Variants in RYR2 observed in about 807,000 individuals in gnomAD.
RYR2 encodes ryanodine receptor 2.
In RYR2, 227 loss-of-function variants were observed where a neutral mutation model predicts 601.1. The ratio of observed to expected loss-of-function variants is 0.38; its 90% CI spans 0.34 to 0.42. RYR2 has a LOEUF of 0.42. Among genes scored for constraint, RYR2 ranks in the 10% least tolerant of loss-of-function variants. The pLI, the probability that RYR2 is intolerant of heterozygous loss-of-function variation, is 1.00. For synonymous variants in RYR2, 2,223 were observed against 2,175.1 expected, an observed-to-expected ratio of 1.02 and a Z score of -0.61; for missense variants, 4,646 against 6,156.5, an observed-to-expected ratio of 0.75 and a Z score of 8.21.
In RYR2 at chr1:237,625,666, G is replaced by A; in HGVS notation, c.6028G>A (p.Glu2010Lys). The A allele has an allele frequency of 6.2e-7, 1 of 1,612,856 alleles. No homozygotes were observed. Among genetic ancestry groups the A allele is most frequent in the Non-Finnish European group, 8.5e-7 (1 of 1,179,448 alleles). The change falls in exon 40 of 105, where the codon GAG becomes AAG. Residue 2010 changes from glutamate to lysine, a missense_variant. Glu to Lys is a moderately conservative substitution (Grantham distance 56). Coordinates refer to ENST00000366574, the MANE Select transcript of RYR2 (RefSeq NM_001035.3). ...TCTCTGTTTTTTTATACTAGGAATTGAGCTGGATGAAGATGGGTCTCTGGA... is the reference window on the plus strand; with the variant it reads ...TCTCTGTTTTTTTATACTAGGAATTAAGCTGGATGAAGATGGGTCTCTGGA... ...HEDLMTHCGI[E>K]LDEDGSLDGN...
At chr1:237,666,120 A>G (rs1428301723) in intron 56 of RYR2, among the ~76,000 whole-genome samples, 1 of 152,254 alleles carries the variant, frequency 6.6e-6, no homozygotes, top group Middle Eastern at 3.2e-3. Flanking sequence ...CATTTGACCC[A>G]TCAAGACATT....
intron 1 of RYR2, among the ~76,000 whole-genome samples, chr1:237,211,789 G>A (rs751998378): frequency 2.0e-5 from 3 of 152,126 alleles, no homozygotes; most frequent in Non-Finnish European, 2.9e-5. Context: ...TGTAAGGATC[G>A]TTCCTAGTGA....
intron 1 of RYR2, among the ~76,000 whole-genome samples, chr1:237,072,780 C>T (rs904111786): frequency 6.6e-6 from 1 of 151,912 alleles, no homozygotes; most frequent in Non-Finnish European, 1.5e-5. Context: ...AACCCCGACT[C>T]TACTAAAAGT....
chr1:237,712,592 G>A (rs1247870695), intron 71 of RYR2, among the ~76,000 whole-genome samples: 1 of 152,068 alleles, frequency 6.6e-6, no homozygotes, highest in African/African-American at 2.4e-5. Context: ...TCAGTATAAT[G>A]TATGTTTAAC....
intron 2 of RYR2, among the ~76,000 whole-genome samples, chr1:237,282,613 C>A (rs1335760836): frequency 2.6e-5 from 4 of 152,114 alleles, no homozygotes; most frequent in African/African-American, 7.2e-5. Context: ...ACTTGCCCTC[C>A]TAAAGCTGGG....
chr1:237,321,887 A>G (rs1450637340), intron 2 of RYR2, among the ~76,000 whole-genome samples: 1 of 152,232 alleles, frequency 6.6e-6, no homozygotes, highest in Admixed American at 6.5e-5. Context: ...TGTTATCTAC[A>G]GAAATAAGGA....
chr1:237,722,998 C>T (rs373181355), intron 73 of RYR2, 130 bp from the exon 74 acceptor site: 68 of 697,120 alleles, frequency 9.8e-5, no homozygotes, highest in East Asian at 3.6e-4. Context: ...TGCAGCTGCG[C>T]GTCATGTCTT....
intron 25 of RYR2, among the ~76,000 whole-genome samples, chr1:237,540,997 AC>A (rs1669202260): frequency 6.6e-6 from 1 of 152,128 alleles, no homozygotes; most frequent in Non-Finnish European, 1.5e-5. Context: ...CTGAATGTGT[AC>A]CCGTATGTAT....
At chr1:237,550,787 G>A (rs897989435) in intron 27 of RYR2, 96 bp downstream of exon 27, 24 of 1,297,200 alleles carry the variant, frequency 1.9e-5, no homozygotes, top group Non-Finnish European at 2.5e-5. Flanking sequence ...ACTGGATAGA[G>A]TCCTCTAGTC....
chr1:237,548,344 T>C lies in RYR2; in HGVS notation c.2907-87T>C, dbSNP rs2618661. 1,307,264 of 1,393,984 alleles carry C rather than the reference T, an allele frequency of 0.94. 617,586 individuals carry two copies. The highest frequency in any genetic ancestry group is 0.97 in the South Asian group (72,383 of 74,820). The allele number at this position is 1,393,984 out of a possible 1,614,324, so 86.4% of individuals were successfully genotyped here. On this transcript the variant is annotated intron_variant, in intron 25 of 104. Coordinates refer to ENST00000366574, the MANE Select transcript of RYR2 (RefSeq NM_001035.3). ...ACCACTGTGGTTTATGGAAGAACAG[T>C]AATGAGGTAGGGCCAGAAAATGATA...
At chr1:237,720,215 T>A (rs1349539631) in intron 73 of RYR2, among the ~76,000 whole-genome samples, 2 of 152,226 alleles carry the variant, frequency 1.3e-5, no homozygotes, top group Admixed American at 6.5e-5. Context: ...TGGGTGTCCC[T>A]TCTGAGGAAT....
chr1:237,649,007 A>G (rs1336306636), intron 49 of RYR2, among the ~76,000 whole-genome samples: 1 of 152,246 alleles, frequency 6.6e-6, no homozygotes, highest in African/African-American at 2.4e-5. Context: ...AATTAAGATG[A>G]TTTAATGGAT....
chr1:237,328,956 A>G lies in RYR2; in HGVS notation c.169-1922A>G, dbSNP rs150615950. On this transcript the variant is annotated intron_variant, in intron 2 of 104. Coordinates refer to ENST00000366574, the MANE Select transcript of RYR2 (RefSeq NM_001035.3). ...GTATTTGTAATGTTCTTCTGATATGAAGATCCTCCATTGAACATTTGCTTG... is the reference window on the plus strand; with the variant it reads ...GTATTTGTAATGTTCTTCTGATATGGAGATCCTCCATTGAACATTTGCTTG... 5.3e-3 allele frequency among the ~76,000 whole-genome samples: 805 copies of G among 152,268 alleles called. 5 individuals are homozygous for G. The highest frequency in any genetic ancestry group is 0.027 in the Middle Eastern group (8 of 294).
chr1:237,264,794 C>T (rs1418147811), intron 1 of RYR2, among the ~76,000 whole-genome samples: 1 of 151,558 alleles, frequency 6.6e-6, no homozygotes, highest in Non-Finnish European at 1.5e-5. Flanking sequence ...CTCCCGGGTT[C>T]AAGCAATTCT....
At chr1:237,508,060 T>A (rs1319420335) in intron 23 of RYR2, among the ~76,000 whole-genome samples, 1 of 152,094 alleles carries the variant, frequency 6.6e-6, no homozygotes, top group Non-Finnish European at 1.5e-5. Context: ...ACCTACCCGG[T>A]TTAAGCGATT....
intron 1 of RYR2, among the ~76,000 whole-genome samples, chr1:237,187,315 T>C (rs1679462190): frequency 1.3e-5 from 2 of 151,138 alleles, no homozygotes; most frequent in African/African-American, 4.9e-5. Flanking sequence ...AGATTACAGG[T>C]CTCTAGTAGA....
At chr1:237,050,788 A>C (rs1402670738) in intron 1 of RYR2, among the ~76,000 whole-genome samples, 2 of 152,238 alleles carry the variant, frequency 1.3e-5, no homozygotes, top group Non-Finnish European at 2.9e-5. Flanking sequence ...ATATTGTTAA[A>C]ATGAAGCCGA....
chr1:237,219,007 T>C (rs191614447), intron 1 of RYR2, among the ~76,000 whole-genome samples: 1 of 135,466 alleles, frequency 7.4e-6, no homozygotes, highest in Non-Finnish European at 1.6e-5. Context: ...TTCCTTATAC[T>C]TGATTTTTTT....
intron 8 of RYR2, among the ~76,000 whole-genome samples, chr1:237,383,702 T>A (rs770537983): frequency 6.6e-6 from 1 of 152,134 alleles, no homozygotes; most frequent in South Asian, 2.1e-4. Context: ...GTGCTGGGAT[T>A]ACAGGCGTGA....
Sources: gnomAD v4.1 joint callset for allele counts (sites outside exome capture counted in the v4.1 genomes callset) on GRCh38, gnomAD v4.1.1 for gene constraint, MANE v1.5 for transcripts, NCBI Gene and HGNC (gene_info 2026-07-23, HGNC 2026-07-21) for gene names.